Variants in TLK2 observed in about 807,000 individuals in gnomAD.
TLK2 encodes the protein serine/threonine-protein kinase tousled-like 2.
In TLK2, 6 loss-of-function variants were observed where a neutral mutation model predicts 117.3. The observed-to-expected ratio is 0.05, with a 90% CI of 0.03 to 0.10. The LOEUF (loss-of-function observed/expected upper bound fraction) is 0.10, where lower values mean the gene tolerates loss of function less well. Ranked by LOEUF, TLK2 falls within the 10% of genes least tolerant of loss-of-function variation. The probability of loss-of-function intolerance (pLI) is 1.00; values close to 1 mark genes in which losing one functional copy is unlikely to be tolerated. For synonymous variants in TLK2, 257 were observed against 316.7 expected (o/e 0.81, Z 2.00); for missense variants, 299 against 901.2 (o/e 0.33, Z 8.56).
At chr17:62,572,319 T>A (rs2080375622) in intron 11 of TLK2, among the ~76,000 whole-genome samples, 1 of 152,168 alleles carries the variant, frequency 6.6e-6, no homozygotes, top group African/African-American at 2.4e-5. Flanking sequence ...ACTTAAAGAC[T>A]AACCTGTTAG....
chr17:62,477,500 GT>G (rs1031048946), upstream of TLK2: 11 of 152,234 alleles, frequency 7.2e-5, no homozygotes, highest in African/African-American at 2.7e-4. Flanking sequence ...CGGCAGGTCT[GT>G]GTTCTGTTAA....
At chr17:62,552,210 G>A in intron 7 of TLK2, 92 bp from the exon 8 acceptor site, 1 of 981,344 alleles carries the variant, frequency 1.0e-6, no homozygotes, top group East Asian at 2.6e-5. Context: ...GTATTGTGGA[G>A]ATACAAATTA....
intron 7 of TLK2, among the ~76,000 whole-genome samples, chr17:62,541,409 G>A (rs1225753695): frequency 6.6e-6 from 1 of 152,132 alleles, no homozygotes; most frequent in Admixed American, 6.5e-5. Context: ...CTTTATAGAA[G>A]GACTGGTTAA....
chr17:62,545,128 G>A (rs1412472006), intron 7 of TLK2, among the ~76,000 whole-genome samples: 1 of 152,084 alleles, frequency 6.6e-6, no homozygotes, highest in African/African-American at 2.4e-5. Flanking sequence ...CCGGGTTCAA[G>A]CGATTCTCCT....
rs2083933255 is a variant in TLK2 at position 62,613,553 on chromosome 17, G to A, written c.*988G>A. 1.3e-5 allele frequency: 2 copies of A among 152,594 alleles called. No homozygotes were observed. Among genetic ancestry groups the A allele is most frequent in the Non-Finnish European group, 2.9e-5 (2 of 68,032 alleles). 9.5% of individuals were successfully genotyped at this position (152,594 alleles called of 1,614,324 possible). On this transcript the variant is annotated 3_prime_UTR_variant, in exon 22 of 22. Transcript: ENST00000346027. ...TATGCCAAAGGTAGGCAGAAAATGG[G>A]CTTGGGAGCCAGACACTCCAGGGAT...
At position 62,524,343 on chromosome 17, in the gene TLK2, C is replaced by T; in HGVS notation, c.363+12C>T. The T allele has an allele frequency of 6.2e-7, 1 of 1,600,880 alleles. No homozygotes were observed. The highest frequency in any genetic ancestry group is 2.2e-5 in the East Asian group (1 of 44,464). On this transcript the variant is annotated intron_variant, in intron 6 of 21. Coordinates refer to ENST00000346027, the MANE Select transcript of TLK2 (RefSeq NM_006852.6). Reference sequence around the variant, plus strand: ...CCAATCCCTTACCGGTAAGCATTCACCTGGAGAAATTTGACACCTGTTGTA... The same window carrying T: ...CCAATCCCTTACCGGTAAGCATTCATCTGGAGAAATTTGACACCTGTTGTA...
intron 12 of TLK2, among the ~76,000 whole-genome samples, chr17:62,574,002 C>G (rs2080537369): frequency 1.3e-5 from 2 of 152,178 alleles, no homozygotes; most frequent in African/African-American, 4.8e-5. Flanking sequence ...AGCACAAATG[C>G]CTGCCTTCTC....
upstream of TLK2, chr17:62,477,622 C>T (rs1194565797): frequency 6.6e-6 from 1 of 152,194 alleles, no homozygotes; most frequent in African/African-American, 2.4e-5. Context: ...CTGAATTTTT[C>T]CCTTGAGATT....
At chr17:62,486,822 C>A (rs546222487) in intron 2 of TLK2, among the ~76,000 whole-genome samples, 14 of 152,318 alleles carry the variant, frequency 9.2e-5, no homozygotes, top group African/African-American at 3.4e-4. Flanking sequence ...CAAATCTGTA[C>A]ATAATCAACT....
At chr17:62,548,137 C>T (rs76846414) in intron 7 of TLK2, among the ~76,000 whole-genome samples, 4 of 151,820 alleles carry the variant, frequency 2.6e-5, no homozygotes, top group Non-Finnish European at 4.4e-5. Flanking sequence ...TTTTTGTTTA[C>T]GGTATTCCAC....
At chr17:62,515,660 A>G (rs537957422) in intron 2 of TLK2, among the ~76,000 whole-genome samples, 2 of 151,882 alleles carry the variant, frequency 1.3e-5, no homozygotes, top group South Asian at 2.1e-4. Flanking sequence ...TCCTTTGCCC[A>G]TTTTTTCATT....
chr17:62,491,055 C>A (rs1240008773), intron 2 of TLK2, among the ~76,000 whole-genome samples: 1 of 152,060 alleles, frequency 6.6e-6, no homozygotes, highest in Non-Finnish European at 1.5e-5. Context: ...TTTTTGAGTT[C>A]TGGTCTTGTG....
intron 16 of TLK2, among the ~76,000 whole-genome samples, chr17:62,592,915 A>G (rs755066566): frequency 5.3e-5 from 8 of 152,212 alleles, no homozygotes; most frequent in Non-Finnish European, 1.0e-4. Context: ...CACACAACCT[A>G]GATCCCTGGT....
chr17:62,552,130 C>T (rs2078513064), intron 7 of TLK2, 172 bp from the exon 8 acceptor site: 2 of 903,516 alleles, frequency 2.2e-6, no homozygotes, highest in South Asian at 1.7e-5. Context: ...CCCTTTGTCT[C>T]ATATTTGAAT....
chr17:62,518,159 C>G (rs989157836), intron 2 of TLK2, among the ~76,000 whole-genome samples: 1 of 152,136 alleles, frequency 6.6e-6, no homozygotes, highest in African/African-American at 2.4e-5. Context: ...AGGTCATCAC[C>G]AAGGTCTGAT....
At position 62,560,135 on chromosome 17, in the gene TLK2, A is replaced by G; in HGVS notation, c.831+9A>G. On this transcript the variant is annotated intron_variant, in intron 10 of 21. Coordinates refer to ENST00000346027, the MANE Select transcript of TLK2 (RefSeq NM_006852.6). ...AACTCCTTATAGAAAAGGTTAGTGA[A>G]TAATGTTGGTCTAAACTCTGTATCC... The G allele has an allele frequency of 1.3e-6, 2 of 1,591,066 alleles. No individual in the cohort carries two copies. The highest frequency in any genetic ancestry group is 1.7e-6 in the Non-Finnish European group (2 of 1,165,432).
chr17:62,525,653 T>C (rs2076324588), intron 6 of TLK2, among the ~76,000 whole-genome samples: 1 of 152,166 alleles, frequency 6.6e-6, no homozygotes, highest in Non-Finnish European at 1.5e-5. Flanking sequence ...TTTCACCATA[T>C]TGCCCAGGCT....
chr17:62,606,101 T>A (rs191460788), intron 19 of TLK2, 29 bp from the exon 20 acceptor site: 254 of 1,084,894 alleles, frequency 2.3e-4, no homozygotes, highest in Non-Finnish European at 3.1e-4. Context: ...ATCATTATTC[T>A]AATAATTTAT....
At chr17:62,566,434 T>C (rs2079801026) in intron 11 of TLK2, among the ~76,000 whole-genome samples, 1 of 152,244 alleles carries the variant, frequency 6.6e-6, no homozygotes, top group Non-Finnish European at 1.5e-5. Context: ...GTGTGAAACA[T>C]TAACCTCCAA....
Sources: gnomAD v4.1 joint callset for allele counts (sites outside exome capture counted in the v4.1 genomes callset) on GRCh38, gnomAD v4.1.1 for gene constraint, MANE v1.5 for transcripts, NCBI Gene and HGNC (gene_info 2026-07-23, HGNC 2026-07-21) for gene names.